Variants in GEMIN4 observed in about 807,000 individuals in gnomAD.
The protein encoded by GEMIN4 is gem nuclear organelle associated protein 4.
A neutral mutation model predicts 76.8 loss-of-function variants in GEMIN4; 59 were observed. The observed-to-expected ratio is 0.77, with a 90% confidence interval of 0.62 to 0.95. GEMIN4 has a LOEUF of 0.95. Among genes scored for constraint, GEMIN4 ranks in the 40% least tolerant of loss-of-function variants. The pLI is 0.00. For missense variants in GEMIN4, 1,311 were observed against 1,318.9 expected, an observed-to-expected ratio of 0.99 and a Z score of 0.09; for synonymous variants, 562 against 559.7, an observed-to-expected ratio of 1.00 and a Z score of -0.06.
chr17:747,167 C>T lies in GEMIN4; in HGVS notation c.876G>A (p.Lys292=), dbSNP rs201105410. Residue 292 remains lysine, a synonymous_variant, in exon 2 of 2, where the codon AAG becomes AAA. Coordinates refer to ENST00000319004, the MANE Select transcript of GEMIN4 (RefSeq NM_015721.3). The part of the protein sequence containing the change: ...NPYHQQALAE[K]VKEAERDVSL... Reference sequence around the variant, plus strand: ...TGACATCCCGTTCTGCCTCCTTCACCTTCTCTGCCAGCGCCTGCTGGTGGT... The same window carrying T: ...TGACATCCCGTTCTGCCTCCTTCACTTTCTCTGCCAGCGCCTGCTGGTGGT... The T allele has an allele frequency of 3.7e-6, 6 of 1,613,834 alleles. No individual in the cohort carries two copies. The highest frequency in any genetic ancestry group is 1.6e-4 in the Middle Eastern group (1 of 6,062).
chr17:751,093 G>A (rs1821271940), intron 1 of GEMIN4, among the ~76,000 whole-genome samples: 1 of 152,114 alleles, frequency 6.6e-6, no homozygotes, highest in Non-Finnish European at 1.5e-5. Flanking sequence ...AAAATACTCC[G>A]GTACTCTATC....
rs2144166750 is a variant in GEMIN4, at chr17:747,085, G to A, written c.958C>T (p.Leu320=). Residue 320 remains leucine (L), a synonymous_variant, in exon 2 of 2, where the codon CTG becomes TTG. Transcript: ENST00000319004. The part of the protein sequence containing the change: ...SETIFVGCEF[L]HHLLREWGEE... ...CCCCACTCCCGCAGCAGGTGGTGCA[G>A]GAACTCGCAGCCCACGAAAATGGTC... is the stretch of plus-strand genomic sequence containing the variant. 3 of 1,613,682 alleles carry A rather than the reference G, an allele frequency of 1.9e-6. No homozygotes were observed. Among genetic ancestry groups the A allele is most frequent in the Non-Finnish European group, 2.5e-6 (3 of 1,179,860 alleles).
intron 1 of GEMIN4, chr17:751,820 G>A (rs1904713182): frequency 2.8e-6 from 1 of 354,634 alleles, no homozygotes; most frequent in Non-Finnish European, 5.1e-6. Flanking sequence ...GGCGCCCAGG[G>A]GTGCTCGGAG....
At chr17:748,823 A>G (rs141972174) in intron 1 of GEMIN4, 15,607 of 172,366 alleles carry the variant, frequency 0.091, 926 homozygotes, top group East Asian at 0.2. Flanking sequence ...CAGCCACAGG[A>G]TAATGGGCAC....
intron 1 of GEMIN4, chr17:749,872 T>A (rs1472855127): frequency 4.0e-6 from 4 of 991,072 alleles, no homozygotes; most frequent in Non-Finnish European, 4.8e-6. Flanking sequence ...ACCCCACAGC[T>A]CCTTCCAGTC....
chr17:749,892 G>A (rs924087711), intron 1 of GEMIN4: 1 of 990,652 alleles, frequency 1.0e-6, no homozygotes, highest in Non-Finnish European at 1.2e-6. Context: ...CAAAAACAAG[G>A]TACTCATGGC....
At chr17:749,800 C>T in intron 1 of GEMIN4, 1 of 994,310 alleles carries the variant, frequency 1.0e-6, no homozygotes, top group Non-Finnish European at 1.2e-6. Flanking sequence ...TGCCTTCACT[C>T]TTTATAAACT....
rs759630942 is a variant in GEMIN4 at position 746,326 on chromosome 17, C to T, written c.1717G>A (p.Gly573Ser). 6.2e-6 allele frequency: 10 copies of T among 1,613,604 alleles called. No individual in the cohort carries two copies. Among genetic ancestry groups the T allele is most frequent in the African/African-American group, 2.7e-5 (2 of 74,880 alleles). ...ATCTGGGCCAGGAACTTGTGGGTGCCGAGATTGACCACAGCCAGGCTGCAC... is the reference window on the plus strand; with the variant it reads ...ATCTGGGCCAGGAACTTGTGGGTGCTGAGATTGACCACAGCCAGGCTGCAC... ...KMCSLAVVNL[G>S]THKFLAQILT... The change falls in exon 2 of 2, where the codon GGC becomes AGC. Residue 573 changes from glycine to serine, a missense_variant. Physicochemically the swap from Gly to Ser is moderately conservative, Grantham distance 56. This residue lies in a region of GEMIN4 where 1,208 missense variants were observed against 1,166.9 expected (regional missense o/e 1.04). Transcript: ENST00000319004. The surrounding 1 kb of genome is among the most constrained non-coding windows in gnomAD (Gnocchi z 4.3).
upstream of GEMIN4, chr17:753,768 T>C (rs1203246453): frequency 6.6e-6 from 1 of 152,378 alleles, no homozygotes; most frequent in Non-Finnish European, 1.5e-5. Flanking sequence ...GACAGTGTGC[T>C]GTGGAAATGC....
rs528626826 is a variant in GEMIN4, at chr17:745,796, C to T, written c.2247G>A (p.Pro749=). The change falls in exon 2 of 2, where the codon CCG becomes CCA. Residue 749 remains proline, a synonymous_variant. Transcript: ENST00000319004. The surrounding 1 kb of genome is among the most constrained non-coding windows in gnomAD (Gnocchi z 4.6). ...IVSANAETFS[P]DVWIKSLSWL... is the part of the protein sequence containing the mutation. Reference sequence around the variant, plus strand: ...AGGACAGGGACTTGATCCAGACATCCGGGGAGAAGGTCTCAGCATTGGCTG... The same window carrying T: ...AGGACAGGGACTTGATCCAGACATCTGGGGAGAAGGTCTCAGCATTGGCTG... The T allele has an allele frequency of 2.5e-5, 40 of 1,612,588 alleles. No homozygotes were observed. Among genetic ancestry groups the T allele is most frequent in the East Asian group, 2.5e-4 (11 of 44,860 alleles).
chr17:748,615 G>T (rs566074990), intron 1 of GEMIN4: 11 of 204,032 alleles, frequency 5.4e-5, no homozygotes, highest in Non-Finnish European at 4.0e-5. Context: ...GGACATGACA[G>T]CTGAGCTTCT....
chr17:751,070 G>T (rs1325721210), intron 1 of GEMIN4, among the ~76,000 whole-genome samples: 3 of 152,188 alleles, frequency 2.0e-5, no homozygotes, highest in African/African-American at 7.2e-5. Flanking sequence ...GTCCCAGGGC[G>T]GTTACTAGCT....
chr17:753,543 A>T (rs1182247910), upstream of GEMIN4: 2 of 156,186 alleles, frequency 1.3e-5, no homozygotes, highest in Non-Finnish European at 2.9e-5. Context: ...TTAGACCTTG[A>T]TGGCTGAAAT....
chr17:745,817 G>A lies in GEMIN4; in HGVS notation c.2226C>T (p.Ala742=). The change falls in exon 2 of 2, where the codon GCC becomes GCT. Residue 742 remains alanine (A), a synonymous_variant. Coordinates refer to ENST00000319004, the MANE Select transcript of GEMIN4 (RefSeq NM_015721.3). This position sits in a 1 kb window ranked among gnomAD's most constrained non-coding sequence, Gnocchi z 4.6. ...ILELLCEIVS[A]NAETFSPDVW... Reference sequence around the variant, plus strand: ...CATCCGGGGAGAAGGTCTCAGCATTGGCTGATACAATCTCACACAGGAGCT... The same window carrying A: ...CATCCGGGGAGAAGGTCTCAGCATTAGCTGATACAATCTCACACAGGAGCT... 6.2e-7 allele frequency: 1 copy of A among 1,613,094 alleles called. No homozygotes were observed.
chr17:748,436 G>A (rs1047145512), intron 1 of GEMIN4: 4 of 185,962 alleles, frequency 2.2e-5, no homozygotes, highest in Non-Finnish European at 4.4e-5. Flanking sequence ...GGGGATCACC[G>A]GAACCAAGAC....
Position 748,696 on chromosome 17 carries a change from G to T in GEMIN4, c.11-664C>A, listed in dbSNP as rs866077481. ...CAATCACACAGCCACAGGGTAACAGGCACAGCAGCAATCACACGGCCACAG... is the reference window on the plus strand; with the variant it reads ...CAATCACACAGCCACAGGGTAACAGTCACAGCAGCAATCACACGGCCACAG... On this transcript the variant is annotated intron_variant, in intron 1 of 1. Coordinates refer to ENST00000319004, the MANE Select transcript of GEMIN4 (RefSeq NM_015721.3). The T allele has an allele frequency of 9.1e-5, 22 of 240,614 alleles. No homozygotes were observed. In the Middle Eastern group the frequency reaches 4.5e-3, roughly 49 times the overall value. The allele number at this position is 240,614 out of a possible 1,614,324, so 14.9% of individuals were successfully genotyped here. A position where few individuals can be genotyped will look rare whatever the true frequency, so the allele number is the denominator to read the frequency against.
chr17:752,791 C>T (rs139784875), upstream of GEMIN4: 77 of 196,462 alleles, frequency 3.9e-4, no homozygotes, highest in African/African-American at 1.8e-3. Flanking sequence ...ACAAACATCG[C>T]GTGCCTGTCT....
Position 747,296 on chromosome 17 carries a change from C to A in GEMIN4, c.747G>T (p.Val249=). 6.2e-7 allele frequency: 1 copy of A among 1,613,838 alleles called. No homozygotes were observed. The highest frequency in any genetic ancestry group is 8.5e-7 in the Non-Finnish European group (1 of 1,179,868). The part of the protein sequence containing the change: ...ALANLADMLT[V]FALTEDDPQE... ...GGGGGTCGTCCTCTGTCAGCGCAAACACAGTCAGCATGTCAGCCAGGTTGG... is the reference window on the plus strand; with the variant it reads ...GGGGGTCGTCCTCTGTCAGCGCAAAAACAGTCAGCATGTCAGCCAGGTTGG... Residue 249 remains valine (V), a synonymous_variant, in exon 2 of 2, where the codon GTG becomes GTT. Coordinates refer to ENST00000319004, the MANE Select transcript of GEMIN4 (RefSeq NM_015721.3).
chr17:745,431 C>T lies in GEMIN4; in HGVS notation c.2612G>A (p.Arg871His), dbSNP rs755795802. Residue 871 changes from arginine to histidine, a missense_variant, in exon 2 of 2, where the codon CGC becomes CAC. Physicochemically the swap from Arg to His is conservative, Grantham distance 29. Coordinates refer to ENST00000319004, the MANE Select transcript of GEMIN4 (RefSeq NM_015721.3). The surrounding 1 kb of genome is among the most constrained non-coding windows in gnomAD (Gnocchi z 4.6). ...CAGTCTCCTGGTCAGCTGGTGAAGG[C>T]GCTGCCACTCCTGAGGGCTGCACCA... is the stretch of plus-strand genomic sequence containing the variant. Reference protein sequence around the residue: ...MPWCSPQEWQRLHQLTRRLLE... With the variant: ...MPWCSPQEWQHLHQLTRRLLE... 2.2e-5 allele frequency: 36 copies of T among 1,612,436 alleles called. No homozygotes were observed. The highest frequency in any genetic ancestry group is 6.7e-5 in the Admixed American group (4 of 60,004).
Sources: gnomAD v4.1 joint callset for allele counts (sites outside exome capture counted in the v4.1 genomes callset) on GRCh38, gnomAD v4.1.1 for gene constraint, gnomAD v4.1.1 regional missense constraint, Gnocchi (gnomAD v3.1) non-coding constraint, MANE v1.5 for transcripts, NCBI Gene and HGNC (gene_info 2026-07-23, HGNC 2026-07-21) for gene names.